The following SH3KBP1 variants were observed in gnomAD, a reference collection of about 807,000 sequenced individuals.
SH3KBP1 encodes the protein SH3 domain-containing kinase-binding protein 1.
In SH3KBP1, 8 loss-of-function variants were observed where a neutral mutation model predicts 50.1. That is an observed-to-expected ratio of 0.16 (90% CI 0.09 to 0.29). The LOEUF (loss-of-function observed/expected upper bound fraction) is 0.29. SH3KBP1 is among the 10% of genes least tolerant of loss of function. SH3KBP1 has a pLI of 1.00. For synonymous variants in SH3KBP1, 227 were observed against 218.6 expected (o/e 1.04, Z -0.34); for missense variants, 377 against 535.2 (o/e 0.70, Z 2.92).
chrX:19,788,127 G>C (rs945859954), intron 2 of SH3KBP1, among the ~76,000 whole-genome samples: 33 of 109,733 alleles, frequency 3.0e-4, no homozygotes, highest in African/African-American at 1.1e-3. Flanking sequence ...CTTTGGGATG[G>C]GAGCTGTGGC....
intron 2 of SH3KBP1, among the ~76,000 whole-genome samples, chrX:19,790,903 G>C (rs989725367): frequency 1.8e-5 from 2 of 110,874 alleles, no homozygotes; most frequent in Non-Finnish European, 3.8e-5. Flanking sequence ...AATTCTAATT[G>C]AGGCATGTCA....
At chrX:19,732,596 T>TAC (rs60032683) in intron 3 of SH3KBP1, among the ~76,000 whole-genome samples, 5,840 of 90,623 alleles carry the variant, frequency 0.064, 204 homozygotes, top group African/African-American at 0.12. Context: ...TAAAAATCCC[T>TAC]ACACACACAC....
intron 12 of SH3KBP1, among the ~76,000 whole-genome samples, chrX:19,577,178 C>T (rs901067941): frequency 1.5e-4 from 17 of 111,997 alleles, no homozygotes; most frequent in African/African-American, 4.9e-4. Context: ...GTTTTCATTA[C>T]GTAGATAAGG....
intron 2 of SH3KBP1, among the ~76,000 whole-genome samples, chrX:19,808,421 A>T (rs766934165): frequency 3.6e-5 from 4 of 110,566 alleles, no homozygotes; most frequent in Non-Finnish European, 7.6e-5. Flanking sequence ...CAGGGCCCTC[A>T]GACCATAGCC....
intron 1 of SH3KBP1, among the ~76,000 whole-genome samples, chrX:19,844,906 C>T (rs1322130802): frequency 9.1e-6 from 1 of 109,553 alleles, no homozygotes; most frequent in East Asian, 2.9e-4. Flanking sequence ...GGTGAAACGC[C>T]GTCTCTACTA....
At chrX:19,865,126 ATTAC>A (rs1481067082) in intron 1 of SH3KBP1, among the ~76,000 whole-genome samples, 2 of 112,658 alleles carry the variant, frequency 1.8e-5, no homozygotes, top group Non-Finnish European at 3.8e-5. Flanking sequence ...AAATGAGACT[ATTAC>A]TTATGAAATG....
chrX:19,540,949 C>G (rs963126079), intron 16 of SH3KBP1, among the ~76,000 whole-genome samples: 18 of 110,054 alleles, frequency 1.6e-4, no homozygotes, highest in Admixed American at 5.8e-4. Flanking sequence ...GAGTCTCGCT[C>G]TGTCACTCAT....
intron 6 of SH3KBP1, among the ~76,000 whole-genome samples, chrX:19,673,096 A>G (rs2062843143): frequency 9.2e-6 from 1 of 109,126 alleles, no homozygotes; most frequent in East Asian, 2.8e-4. Flanking sequence ...AGATAATATG[A>G]AACGTACCAC....
chrX:19,719,033 C>T (rs773342010), intron 3 of SH3KBP1, among the ~76,000 whole-genome samples: 2 of 111,774 alleles, frequency 1.8e-5, no homozygotes, highest in South Asian at 7.5e-4. Context: ...CATACACACA[C>T]ACATACATAC....
intron 3 of SH3KBP1, among the ~76,000 whole-genome samples, chrX:19,727,139 C>T (rs2064242820): frequency 8.9e-6 from 1 of 111,853 alleles, no homozygotes; most frequent in African/African-American, 3.3e-5. Flanking sequence ...TATTCTTGAT[C>T]CTTTTTTATT....
At chrX:19,683,334 G>A in intron 6 of SH3KBP1, 1 of 370,772 alleles carries the variant, frequency 2.7e-6, no homozygotes, top group Non-Finnish European at 5.3e-6. Context: ...ACACCTGCGG[G>A]AGACTTCCTT....
Position 19,887,300 on chromosome X carries a change from C to A in SH3KBP1, c.4+7G>T. On this transcript the variant is annotated splice_region_variant and intron_variant, in intron 1 of 17. Coordinates refer to ENST00000397821, the MANE Select transcript of SH3KBP1 (RefSeq NM_031892.3). ...TGGACGCCCGGACGCGGGCGGCCCC[C>A]ACTCACCCATTGGCGTCGAGCCGGG... 1 of 981,453 alleles carries A rather than the reference C, an allele frequency of 1.0e-6. No individual in the cohort carries two copies. 80.9% of individuals were successfully genotyped at this position (981,453 alleles called of 1,213,427 possible).
chrX:19,785,065 A>C (rs1413924942), intron 2 of SH3KBP1, among the ~76,000 whole-genome samples: 5 of 110,931 alleles, frequency 4.5e-5, no homozygotes, highest in Non-Finnish European at 9.4e-5. Context: ...GTATCCACCC[A>C]GTGCCAAGCA....
intron 2 of SH3KBP1, among the ~76,000 whole-genome samples, chrX:19,758,387 C>A (rs1190803763): frequency 1.1e-5 from 1 of 92,305 alleles, no homozygotes; most frequent in Non-Finnish European, 2.3e-5. Context: ...AAGGGCATGA[C>A]AATCAAGAAA....
At chrX:19,542,848 G>C (rs191225548) in intron 15 of SH3KBP1, among the ~76,000 whole-genome samples, 41 of 111,970 alleles carry the variant, frequency 3.7e-4, no homozygotes, top group Middle Eastern at 4.6e-3. Flanking sequence ...GGGGGCAAGA[G>C]AGGGCCTTGG....
intron 2 of SH3KBP1, among the ~76,000 whole-genome samples, chrX:19,773,378 G>C (rs1373092667): frequency 1.8e-5 from 2 of 110,951 alleles, no homozygotes. Context: ...TGAGTCATCT[G>C]CATTCACTAG....
intron 13 of SH3KBP1, among the ~76,000 whole-genome samples, chrX:19,553,745 G>A (rs2065310962): frequency 9.9e-6 from 1 of 101,492 alleles, no homozygotes; most frequent in African/African-American, 3.6e-5. Context: ...GAGTCTCCAG[G>A]ACATATGGCA....
At chrX:19,549,857 T>A in intron 14 of SH3KBP1, 117 bp downstream of exon 14, 1 of 513,182 alleles carries the variant, frequency 1.9e-6, no homozygotes, top group South Asian at 3.5e-5. Flanking sequence ...GGCCTCCCTC[T>A]CCCAGGGTGT....
chrX:19,808,789 T>C (rs2067124788), intron 2 of SH3KBP1, among the ~76,000 whole-genome samples: 1 of 112,293 alleles, frequency 8.9e-6, no homozygotes, highest in Non-Finnish European at 1.9e-5. Context: ...GATTTTGAAA[T>C]GGTCGTTTGC....
Sources: allele counts gnomAD v4.1 joint callset (sites outside exome capture counted in the v4.1 genomes callset), GRCh38; gene constraint gnomAD v4.1.1; transcripts MANE v1.5; gene names NCBI Gene and HGNC (gene_info 2026-07-23, HGNC 2026-07-21).